NRG1: variants seen among roughly 807,000 people sequenced by gnomAD.
NRG1 encodes the protein pro-neuregulin-1, membrane-bound isoform.
In NRG1, 18 loss-of-function variants were observed where a neutral mutation model predicts 63.8. That is an observed-to-expected ratio of 0.28 (90% CI 0.19 to 0.42). The LOEUF is 0.42. Among genes scored for constraint, NRG1 ranks in the 10% least tolerant of loss-of-function variants. NRG1 has a pLI of 1.00. For synonymous variants in NRG1, 302 were observed against 301.3 expected (o/e 1.00, Z -0.02); for missense variants, 762 against 814.7 (o/e 0.94, Z 0.79).
At chr8:31,697,972 C>T (rs528360837) in intron 1 of NRG1, among the ~76,000 whole-genome samples, 34 of 150,432 alleles carry the variant, frequency 2.3e-4, no homozygotes, top group African/African-American at 4.1e-4. Flanking sequence ...CAACCTGAAT[C>T]GCATTTTTCT....
intron 1 of NRG1, among the ~76,000 whole-genome samples, chr8:32,442,180 G>T (rs1261161792): frequency 1.3e-5 from 2 of 152,104 alleles, no homozygotes; most frequent in Non-Finnish European, 2.9e-5. Context: ...TCCACATCTG[G>T]TGCAACACAG....
intron 5 of NRG1, among the ~76,000 whole-genome samples, chr8:32,705,869 A>G (rs1400873728): frequency 1.3e-5 from 2 of 152,206 alleles, no homozygotes; most frequent in Non-Finnish European, 2.9e-5. Context: ...CATTTCCTAC[A>G]TGTCCTCGAC....
At chr8:31,697,933 C>G (rs1221323742) in intron 1 of NRG1, among the ~76,000 whole-genome samples, 1 of 150,744 alleles carries the variant, frequency 6.6e-6, no homozygotes, top group African/African-American at 2.4e-5. Flanking sequence ...CTTTGTTGCC[C>G]AGGCTGGAGT....
intron 1 of NRG1, among the ~76,000 whole-genome samples, chr8:32,259,138 G>C (rs932953312): frequency 2.6e-5 from 4 of 152,156 alleles, no homozygotes; most frequent in African/African-American, 9.6e-5. Flanking sequence ...TTACCTTCCA[G>C]ACTGAAAATG....
chr8:32,126,532 T>C (rs1423784503), intron 1 of NRG1, among the ~76,000 whole-genome samples: 5 of 151,874 alleles, frequency 3.3e-5, no homozygotes. Flanking sequence ...CAAATGCCAG[T>C]ACTTTCCACA....
intron 1 of NRG1, among the ~76,000 whole-genome samples, chr8:32,366,960 C>T (rs1418706352): frequency 6.6e-6 from 1 of 151,942 alleles, no homozygotes; most frequent in Admixed American, 6.6e-5. Flanking sequence ...GATCTGCCTG[C>T]CTTGGCCTCC....
intron 1 of NRG1, among the ~76,000 whole-genome samples, chr8:32,506,589 G>T (rs193050482): frequency 6.6e-6 from 1 of 152,098 alleles, no homozygotes; most frequent in East Asian, 1.9e-4. Context: ...CACAAAAGTC[G>T]CAATACCCAA....
intron 1 of NRG1, among the ~76,000 whole-genome samples, chr8:32,054,863 C>CTTTTTTTTTTTTT (rs543522972): frequency 6.3e-5 from 4 of 63,994 alleles, no homozygotes; most frequent in African/African-American, 2.4e-4. Context: ...TTCTTTCTTT[C>CTTTTTTTTTTTTT]TTTTTTTTTT....
At chr8:31,891,184 C>T (rs1375634239) in intron 1 of NRG1, among the ~76,000 whole-genome samples, 1 of 151,970 alleles carries the variant, frequency 6.6e-6, no homozygotes, top group Non-Finnish European at 1.5e-5. Flanking sequence ...CTTTGCCCTG[C>T]AAAAGACCCT....
chr8:32,061,838 G>A (rs1586820365), intron 1 of NRG1: 1 of 151,956 alleles, frequency 6.6e-6, no homozygotes, highest in Non-Finnish European at 1.5e-5. Context: ...CATTAGGTGA[G>A]AAACATGAAC....
intron 5 of NRG1, among the ~76,000 whole-genome samples, chr8:32,717,326 A>G (rs545645223): frequency 6.6e-6 from 1 of 152,314 alleles, no homozygotes; most frequent in African/African-American, 2.4e-5. Context: ...TCCTGTTCAG[A>G]TTGGTCATGA....
intron 1 of NRG1, among the ~76,000 whole-genome samples, chr8:31,913,260 T>C (rs1352799264): frequency 6.6e-6 from 1 of 152,178 alleles, no homozygotes; most frequent in Non-Finnish European, 1.5e-5. Flanking sequence ...ATCTTCTATG[T>C]CCTATTTATA....
At chr8:31,862,628 T>G (rs1828570212) in intron 1 of NRG1, among the ~76,000 whole-genome samples, 1 of 152,220 alleles carries the variant, frequency 6.6e-6, no homozygotes, top group Admixed American at 6.5e-5. Flanking sequence ...GGAAATTGAT[T>G]TGCCCTTTAA....
intron 1 of NRG1, among the ~76,000 whole-genome samples, chr8:31,835,710 T>G (rs1326292815): frequency 6.6e-6 from 1 of 152,188 alleles, no homozygotes; most frequent in Non-Finnish European, 1.5e-5. Context: ...ACATTACAAG[T>G]ATAAACATGT....
Position 32,383,684 on chromosome 8 carries a change from G to A in NRG1, c.38-212144G>A, listed in dbSNP as rs111903846. Among the ~76,000 whole-genome samples the A allele has an allele frequency of 6.3e-3, 960 of 152,262 alleles. 14 individuals are homozygous for A. The highest frequency in any genetic ancestry group is 0.022 in the African/African-American group (909 of 41,548). Reference sequence around the variant, plus strand: ...CTTGGACTCAGTATCTTTTTACTGCGCCACCTTACGTTTCACTCAGACACC... The same window carrying A: ...CTTGGACTCAGTATCTTTTTACTGCACCACCTTACGTTTCACTCAGACACC... On this transcript the variant is annotated intron_variant, in intron 1 of 10. Transcript: ENST00000519301.
chr8:32,669,871 A>G (rs1276267221), intron 5 of NRG1, among the ~76,000 whole-genome samples: 1 of 152,186 alleles, frequency 6.6e-6, no homozygotes, highest in Non-Finnish European at 1.5e-5. Flanking sequence ...ATTAAAGAAC[A>G]TTGGACTAGT....
At chr8:32,302,737 G>A (rs1014210776) in intron 1 of NRG1, among the ~76,000 whole-genome samples, 2 of 142,280 alleles carry the variant, frequency 1.4e-5, no homozygotes, top group Non-Finnish European at 3.1e-5. Flanking sequence ...TTTTTATTGT[G>A]TGATGTAACC....
At chr8:32,264,680 T>C (rs1443735407) in intron 1 of NRG1, among the ~76,000 whole-genome samples, 1 of 152,156 alleles carries the variant, frequency 6.6e-6, no homozygotes, top group African/African-American at 2.4e-5. Context: ...ATATTTTAGT[T>C]AGAAAAGACA....
At chr8:32,347,344 G>A (rs553432344) in intron 1 of NRG1, among the ~76,000 whole-genome samples, 2 of 151,994 alleles carry the variant, frequency 1.3e-5, no homozygotes, top group Admixed American at 6.5e-5. Flanking sequence ...ATGATTTCAC[G>A]CTCTATGGAG....
Sources: gnomAD v4.1 joint callset for allele counts (sites outside exome capture counted in the v4.1 genomes callset) on GRCh38, gnomAD v4.1.1 for gene constraint, MANE v1.5 for transcripts, NCBI Gene and HGNC (gene_info 2026-07-23, HGNC 2026-07-21) for gene names.